The following VAT1L variants were observed in gnomAD, a reference collection of about 807,000 sequenced individuals.
VAT1L encodes the protein vesicle amine transport 1 like.
In VAT1L, 34 loss-of-function variants were observed where a neutral mutation model predicts 44.1. The ratio of observed to expected loss-of-function variants is 0.77; its 90% CI spans 0.59 to 1.03. VAT1L has a LOEUF of 1.03. Among genes scored for constraint, VAT1L ranks in the 50% least tolerant of loss-of-function variants. The probability of loss-of-function intolerance (pLI) is 0.00; values close to 1 mark genes in which losing one functional copy is unlikely to be tolerated. For missense variants in VAT1L, 615 were observed against 538.8 expected, an observed-to-expected ratio of 1.14 and a Z score of -1.40; for synonymous variants, 253 against 202.2, an observed-to-expected ratio of 1.25 and a Z score of -2.13.
At chr16:77,880,015 A>G (rs78704888) in intron 6 of VAT1L, among the ~76,000 whole-genome samples, 2,120 of 151,798 alleles carry the variant, frequency 0.014, 53 homozygotes, top group African/African-American at 0.049. Context: ...CTCATGAACC[A>G]CTCTCTTGGG....
chr16:77,900,668 C>G (rs546910632), intron 7 of VAT1L, among the ~76,000 whole-genome samples: 152 of 150,506 alleles, frequency 1.0e-3, no homozygotes, highest in Non-Finnish European at 1.9e-3. Context: ...GCACTCCAGC[C>G]TCAGCAGCAG....
At chr16:77,918,561 A>C (rs1238725255) in intron 7 of VAT1L, among the ~76,000 whole-genome samples, 1 of 151,972 alleles carries the variant, frequency 6.6e-6, no homozygotes. Flanking sequence ...TGTGATCAAC[A>C]CTAGAATGTC....
chr16:77,797,321 G>A (rs2015955498), intron 1 of VAT1L, among the ~76,000 whole-genome samples: 1 of 152,188 alleles, frequency 6.6e-6, no homozygotes, highest in African/African-American at 2.4e-5. Flanking sequence ...ATGTTGGCCA[G>A]GCTGGTCTCA....
intron 7 of VAT1L, among the ~76,000 whole-genome samples, chr16:77,908,614 G>A (rs895047739): frequency 5.9e-5 from 9 of 152,018 alleles, no homozygotes; most frequent in African/African-American, 1.9e-4. Context: ...ACCTGTCAGT[G>A]GCTCAAGACA....
At chr16:77,866,225 A>G (rs2016972676) in intron 4 of VAT1L, among the ~76,000 whole-genome samples, 1 of 152,266 alleles carries the variant, frequency 6.6e-6, no homozygotes, top group Non-Finnish European at 1.5e-5. Context: ...TGCTCAGCAC[A>G]TGTTGACAGA....
intron 1 of VAT1L, among the ~76,000 whole-genome samples, chr16:77,805,345 A>G (rs1303792523): frequency 6.6e-6 from 1 of 152,330 alleles, no homozygotes; most frequent in East Asian, 1.9e-4. Flanking sequence ...ATTTATGCCC[A>G]AGATTTTCTG....
At chr16:77,942,694 G>C (rs1457300380) in intron 7 of VAT1L, among the ~76,000 whole-genome samples, 2 of 152,146 alleles carry the variant, frequency 1.3e-5, no homozygotes, top group African/African-American at 4.8e-5. Flanking sequence ...TAGAGCAGTG[G>C]TTTGAATTCA....
intron 7 of VAT1L, among the ~76,000 whole-genome samples, chr16:77,947,785 C>T (rs1482340614): frequency 1.3e-5 from 2 of 152,162 alleles, no homozygotes; most frequent in East Asian, 1.9e-4. Flanking sequence ...GGTGGAGTTT[C>T]GCTCTTGTTG....
chr16:77,950,308 C>A (rs1567519600), intron 7 of VAT1L, among the ~76,000 whole-genome samples: 1 of 151,982 alleles, frequency 6.6e-6, no homozygotes, highest in Non-Finnish European at 1.5e-5. Context: ...ACTCAGGAGG[C>A]TGACACAGAA....
rs2018358499 is a variant in VAT1L at position 77,977,886 on chromosome 16, T to C, written c.*191T>C. The C allele has an allele frequency of 3.4e-6, 2 of 584,668 alleles. No individual in the cohort carries two copies. The highest frequency in any genetic ancestry group is 6.2e-6 in the Non-Finnish European group (2 of 322,480). 36.2% of individuals were successfully genotyped at this position (584,668 alleles called of 1,614,324 possible). A position where few individuals can be genotyped will look rare whatever the true frequency, so the allele number is the denominator to read the frequency against. ...GCCAATCCCATGCCATGCAGTATTA[T>C]GTCCCTCTCCTATCTGTGTATTACA... On this transcript the variant is annotated 3_prime_UTR_variant, in exon 9 of 9. Transcript: ENST00000302536.
intron 2 of VAT1L, among the ~76,000 whole-genome samples, chr16:77,820,677 A>G (rs1305741909): frequency 6.6e-6 from 1 of 152,140 alleles, no homozygotes; most frequent in Non-Finnish European, 1.5e-5. Flanking sequence ...TGCTCTTCAA[A>G]GGCTCCTTCA....
chr16:77,977,248 GTC>G (rs1371796880), intron 8 of VAT1L, among the ~76,000 whole-genome samples: 1 of 152,138 alleles, frequency 6.6e-6, no homozygotes, highest in East Asian at 1.9e-4. Flanking sequence ...GTCCCCCAGG[GTC>G]TCTCAGAGGT....
intron 7 of VAT1L, among the ~76,000 whole-genome samples, chr16:77,937,661 A>G (rs1473118360): frequency 1.3e-5 from 2 of 152,188 alleles, no homozygotes; most frequent in African/African-American, 4.8e-5. Context: ...GCTCTGTTAC[A>G]TCCCAGTATG....
intron 4 of VAT1L, among the ~76,000 whole-genome samples, chr16:77,865,265 G>A (rs937571201): frequency 6.6e-6 from 1 of 152,052 alleles, no homozygotes; most frequent in African/African-American, 2.4e-5. Flanking sequence ...GACTGCGCCC[G>A]GTCAGTTCTT....
At chr16:77,846,834 G>A (rs1047649472) in intron 3 of VAT1L, among the ~76,000 whole-genome samples, 7 of 151,970 alleles carry the variant, frequency 4.6e-5, no homozygotes, top group African/African-American at 1.7e-4. Flanking sequence ...AAGATAATCA[G>A]GGTATATAGT....
intron 7 of VAT1L, among the ~76,000 whole-genome samples, chr16:77,897,441 G>A (rs2017335987): frequency 6.6e-6 from 1 of 152,146 alleles, no homozygotes; most frequent in Non-Finnish European, 1.5e-5. Context: ...TTGGATGGGG[G>A]CAAATTCTTG....
intron 1 of VAT1L, among the ~76,000 whole-genome samples, chr16:77,810,559 C>G (rs2016247215): frequency 6.6e-6 from 1 of 152,124 alleles, no homozygotes; most frequent in African/African-American, 2.4e-5. Context: ...CTTCCCAGCA[C>G]TTTGGGAAGC....
chr16:77,827,311 T>C (rs2016533229), intron 3 of VAT1L, among the ~76,000 whole-genome samples: 1 of 152,236 alleles, frequency 6.6e-6, no homozygotes, highest in Non-Finnish European at 1.5e-5. Context: ...GTCTTTACAA[T>C]GACGCTGGAC....
At chr16:77,797,632 C>G (rs1279120944) in intron 1 of VAT1L, among the ~76,000 whole-genome samples, 2 of 152,150 alleles carry the variant, frequency 1.3e-5, no homozygotes, top group East Asian at 3.9e-4. Flanking sequence ...CTGGAGCACT[C>G]TCATTCAAAG....
Sources: gnomAD v4.1 joint callset for allele counts (sites outside exome capture counted in the v4.1 genomes callset) on GRCh38, gnomAD v4.1.1 for gene constraint, MANE v1.5 for transcripts, NCBI Gene and HGNC (gene_info 2026-07-23, HGNC 2026-07-21) for gene names.